MAP3K7: variants seen among roughly 807,000 people sequenced by gnomAD.
The protein encoded by MAP3K7 is mitogen-activated protein kinase kinase kinase 7.
Under a neutral mutation model 84.8 loss-of-function variants are expected in MAP3K7, and 21 were observed. The ratio of observed to expected loss-of-function variants is 0.25; its 90% CI spans 0.18 to 0.36. MAP3K7 has a LOEUF of 0.36. MAP3K7 is among the 10% of genes least tolerant of loss of function. The pLI is 1.00. For missense variants in MAP3K7, 503 were observed against 747.7 expected, an observed-to-expected ratio of 0.67 and a Z score of 3.82; for synonymous variants, 241 against 247.7, an observed-to-expected ratio of 0.97 and a Z score of 0.25.
chr6:90,544,728 T>C (rs1006345608), intron 11 of MAP3K7, 96 bp from the exon 12 acceptor site: 4 of 984,922 alleles, frequency 4.1e-6, no homozygotes, highest in Non-Finnish European at 6.4e-6. Flanking sequence ...TTCAAATAGT[T>C]CATGTTAATA....
At chr6:90,527,183 T>C (rs931970343) in intron 13 of MAP3K7, among the ~76,000 whole-genome samples, 2 of 152,164 alleles carry the variant, frequency 1.3e-5, no homozygotes, top group African/African-American at 4.8e-5. Context: ...GAAAAAGCAT[T>C]TGACAACATT....
intron 1 of MAP3K7, among the ~76,000 whole-genome samples, chr6:90,581,674 AT>A (rs1474465952): frequency 1.3e-5 from 2 of 152,220 alleles, no homozygotes; most frequent in Non-Finnish European, 2.9e-5. Context: ...TGCAAAAATT[AT>A]CTCTGTAGCT....
rs3807011 is a variant in MAP3K7 at position 90,518,422 on chromosome 6, T to C, written c.1640+25A>G. Reference sequence around the variant, plus strand: ...AACTCAAAATACTAATGTATTTTTATTTTTATTCATAAAAAATAACTTACT... The same window carrying C: ...AACTCAAAATACTAATGTATTTTTACTTTTATTCATAAAAAATAACTTACT... On this transcript the variant is annotated intron_variant, in intron 16 of 16. Transcript: ENST00000369329. The C allele has an allele frequency of 1.7e-3, 2,054 of 1,233,610 alleles. 50 individuals are homozygous for C. The East Asian group carries it at 0.041, about 24-fold the overall frequency. 76.4% of individuals were successfully genotyped at this position (1,233,610 alleles called of 1,614,324 possible).
intron 16 of MAP3K7, 31 bp from the exon 17 acceptor site, chr6:90,516,712 T>A: frequency 6.5e-7 from 1 of 1,542,408 alleles, no homozygotes; most frequent in Admixed American, 2.2e-5. Flanking sequence ...ATATTACACA[T>A]GATGGAAAAA....
chr6:90,563,273 T>C (rs1054208161), intron 3 of MAP3K7, among the ~76,000 whole-genome samples: 5 of 152,120 alleles, frequency 3.3e-5, no homozygotes, highest in Non-Finnish European at 7.3e-5. Flanking sequence ...AACAAACTTC[T>C]CCAAGCGAAA....
intron 3 of MAP3K7, among the ~76,000 whole-genome samples, chr6:90,564,395 C>T (rs975418941): frequency 6.6e-6 from 1 of 150,546 alleles, no homozygotes; most frequent in Non-Finnish European, 1.5e-5. Flanking sequence ...AAATGGAAAA[C>T]AAAAAAAAGG....
intron 1 of MAP3K7, among the ~76,000 whole-genome samples, chr6:90,584,917 A>G (rs1777392819): frequency 6.6e-6 from 1 of 152,184 alleles, no homozygotes; most frequent in South Asian, 2.1e-4. Context: ...CTTCTGGAAA[A>G]GGAATTTATC....
At chr6:90,529,899 A>G (rs1775451868) in intron 13 of MAP3K7, among the ~76,000 whole-genome samples, 2 of 152,224 alleles carry the variant, frequency 1.3e-5, no homozygotes, top group African/African-American at 2.4e-5. Context: ...CATTGAATAA[A>G]ATGAGAACAC....
chr6:90,553,582 A>G lies in MAP3K7; in HGVS notation c.612T>C (p.Ser204=), dbSNP rs754754770. The change falls in exon 7 of 17, where the codon AGT becomes AGC. Residue 204 remains serine (S), a synonymous_variant. Transcript: ENST00000369329. ...AGACGTCACATTTTTCACTGTAATT[A>G]CTACCTAGAAAAAAAAAAGGTAGTA... is the stretch of plus-strand genomic sequence containing the variant. The part of the protein sequence containing the change: ...AWMAPEVFEG[S]NYSEKCDVFS... 1.4e-4 allele frequency: 223 copies of G among 1,604,206 alleles called. No homozygotes were observed. Among genetic ancestry groups the G allele is most frequent in the Non-Finnish European group, 1.8e-4 (207 of 1,177,168 alleles).
At chr6:90,560,651 T>C (rs975552313) in intron 4 of MAP3K7, among the ~76,000 whole-genome samples, 22 of 152,196 alleles carry the variant, frequency 1.4e-4, no homozygotes, top group African/African-American at 5.3e-4. Context: ...TGAGCCACCA[T>C]GCCTGGCCTT....
rs282070 is a variant in MAP3K7 at position 90,586,701 on chromosome 6, C to G, written c.120+63G>C. On this transcript the variant is annotated intron_variant, in intron 1 of 16. Coordinates refer to ENST00000369329, the MANE Select transcript of MAP3K7 (RefSeq NM_145331.3). ...CCCCGGGAGGCACCTTCAGAGCCGG[C>G]ACCAGGCAGAGGCGGGGGCGGGGCA... 1,067,626 of 1,537,468 alleles carry G rather than the reference C, an allele frequency of 0.69. 372,997 individuals are homozygous for G. Among genetic ancestry groups the G allele is most frequent in the Middle Eastern group, 0.78 (4,036 of 5,144 alleles).
At chr6:90,581,612 C>T (rs1366424590) in intron 1 of MAP3K7, among the ~76,000 whole-genome samples, 1 of 152,158 alleles carries the variant, frequency 6.6e-6, no homozygotes, top group Non-Finnish European at 1.5e-5. Flanking sequence ...ATTTTCTAGG[C>T]TTTTATTTCA....
chr6:90,575,992 C>T (rs902039750), intron 1 of MAP3K7, among the ~76,000 whole-genome samples: 1 of 151,888 alleles, frequency 6.6e-6, no homozygotes, highest in Non-Finnish European at 1.5e-5. Flanking sequence ...AATCGATATA[C>T]AAACAAAAGA....
At chr6:90,521,231 GA>G (rs1351569435) in intron 14 of MAP3K7, among the ~76,000 whole-genome samples, 1 of 150,796 alleles carries the variant, frequency 6.6e-6, no homozygotes, top group African/African-American at 2.4e-5. Context: ...TCACAGATCG[GA>G]AGATTATTTA....
intron 2 of MAP3K7, among the ~76,000 whole-genome samples, chr6:90,569,355 G>C (rs1776823374): frequency 6.6e-6 from 1 of 152,096 alleles, no homozygotes; most frequent in African/African-American, 2.4e-5. Flanking sequence ...CTGCTGCAGT[G>C]ATCATTATAG....
At position 90,516,426 on chromosome 6, in the gene MAP3K7, G is replaced by A. The variant is rs935483871; in HGVS notation, c.*75C>T. 19 of 1,469,338 alleles carry A rather than the reference G, an allele frequency of 1.3e-5. No homozygotes were observed. The African/African-American group carries it at 1.6e-4, about 12-fold the overall frequency. 91.0% of individuals were successfully genotyped at this position (1,469,338 alleles called of 1,614,324 possible). A position where few individuals can be genotyped will look rare whatever the true frequency, so the allele number is the denominator to read the frequency against. ...GCCAAAAAGCTAACACTCATGAATC[G>A]TCATTATAAGGTTTTCCTTTCCTTA... is the stretch of plus-strand genomic sequence containing the variant. On this transcript the variant is annotated 3_prime_UTR_variant, in exon 17 of 17. Coordinates refer to ENST00000369329, the MANE Select transcript of MAP3K7 (RefSeq NM_145331.3).
At chr6:90,542,572 A>G in intron 12 of MAP3K7, 2 of 791,696 alleles carry the variant, frequency 2.5e-6, no homozygotes, top group Non-Finnish European at 3.1e-6. Context: ...TCTCTGACTT[A>G]AACAAAAGAA....
Position 90,553,590 on chromosome 6 carries a change from G to GAA in MAP3K7, c.608-6_608-5dup. 8 of 1,434,758 alleles carry GAA rather than the reference G, an allele frequency of 5.6e-6. No homozygotes were observed. The highest frequency in any genetic ancestry group is 1.3e-5 in the South Asian group (1 of 74,580). The allele number at this position is 1,434,758 out of a possible 1,614,324, so 88.9% of individuals were successfully genotyped here. A position where few individuals can be genotyped will look rare whatever the true frequency, so the allele number is the denominator to read the frequency against. On this transcript the variant is annotated splice_polypyrimidine_tract_variant and splice_region_variant and intron_variant, in intron 6 of 16. Transcript: ENST00000369329. ...CATTTTTCACTGTAATTACTACCTA[G>GAA]AAAAAAAAAAGGTAGTATATAACCT... is the stretch of plus-strand genomic sequence containing the variant.
intron 3 of MAP3K7, among the ~76,000 whole-genome samples, chr6:90,565,024 CA>C (rs1776655592): frequency 6.6e-6 from 1 of 152,128 alleles, no homozygotes; most frequent in African/African-American, 2.4e-5. Flanking sequence ...AAGAAAGACA[CA>C]ACATACCAGA....
Sources: gnomAD v4.1 joint callset for allele counts (sites outside exome capture counted in the v4.1 genomes callset) on GRCh38, gnomAD v4.1.1 for gene constraint, MANE v1.5 for transcripts, NCBI Gene and HGNC (gene_info 2026-07-23, HGNC 2026-07-21) for gene names.